The following AP3D1 variants were observed in gnomAD, a reference collection of about 807,000 sequenced individuals.
AP3D1 encodes adaptor related protein complex 3 subunit delta 1.
A neutral mutation model predicts 147.6 loss-of-function variants in AP3D1; 51 were observed. The observed-to-expected ratio is 0.35, with a 90% CI of 0.28 to 0.44. The LOEUF is 0.44. Among genes scored for constraint, AP3D1 ranks in the 20% least tolerant of loss-of-function variants. AP3D1 has a pLI of 1.00. For synonymous variants in AP3D1, 760 were observed against 663.0 expected (o/e 1.15, Z -2.25); for missense variants, 1,421 against 1,624.2 (o/e 0.87, Z 2.15).
At chr19:2,156,673 A>G (rs1162615692) in intron 1 of AP3D1, among the ~76,000 whole-genome samples, 1 of 151,990 alleles carries the variant, frequency 6.6e-6, no homozygotes, top group East Asian at 1.9e-4. Context: ...ACACAGTGAA[A>G]CCCCGTCTCT....
chr19:2,161,622 G>A (rs1014788823), intron 1 of AP3D1, among the ~76,000 whole-genome samples: 1 of 152,114 alleles, frequency 6.6e-6, no homozygotes, highest in Non-Finnish European at 1.5e-5. Context: ...AGGCATACAT[G>A]CAGACCAAAG....
chr19:2,141,992 A>G (rs1599489816), intron 1 of AP3D1, among the ~76,000 whole-genome samples: 1 of 149,848 alleles, frequency 6.7e-6, no homozygotes, highest in African/African-American at 2.5e-5. Flanking sequence ...ATATATATAC[A>G]TTTATTTACA....
In AP3D1 at chr19:2,138,607, G is replaced by A. The variant is rs1264671994; in HGVS notation, c.192+12C>T. On this transcript the variant is annotated intron_variant, in intron 2 of 31. Transcript: ENST00000643116. Reference sequence around the variant, plus strand: ...CGACAGTGCTGGGCGCTGGCCACTGGGAGGCACTTACATACGTCAGCTTGC... The same window carrying A: ...CGACAGTGCTGGGCGCTGGCCACTGAGAGGCACTTACATACGTCAGCTTGC... 2 of 1,610,202 alleles carry A rather than the reference G, an allele frequency of 1.2e-6. No homozygotes were observed. Among genetic ancestry groups the A allele is most frequent in the African/African-American group, 1.3e-5 (1 of 74,844 alleles).
In AP3D1 at chr19:2,162,283, G is replaced by T. The variant is rs191827596; in HGVS notation, c.-103+2073C>A. On this transcript the variant is annotated intron_variant, in intron 1 of 14. Coordinates refer to the AP3D1 transcript ENST00000643010. ...GATCTCCTGACCTCGTGATCCACCC[G>T]CCTCGGCCTCCCAAAGTGTTGGGAT... 2.7e-3 allele frequency among the ~76,000 whole-genome samples: 405 copies of T among 149,280 alleles called. 1 individual carries two copies. Among genetic ancestry groups the T allele is most frequent in the African/African-American group, 9.5e-3 (390 of 40,946 alleles).
chr19:2,128,230 C>T (rs1409597232), intron 8 of AP3D1, among the ~76,000 whole-genome samples: 1 of 152,148 alleles, frequency 6.6e-6, no homozygotes, highest in Non-Finnish European at 1.5e-5. Flanking sequence ...CCTGAAAAGG[C>T]TCCTAACATA....
At chr19:2,155,922 G>T (rs1056680482), upstream of AP3D1, among the ~76,000 whole-genome samples, 1 of 151,110 alleles carries the variant, frequency 6.6e-6, no homozygotes, top group Non-Finnish European at 1.5e-5. Flanking sequence ...GCTTGGTGGC[G>T]GGCGCCTGTA....
intron 31 of AP3D1, among the ~76,000 whole-genome samples, chr19:2,106,482 G>A (rs544688657): frequency 4.6e-5 from 7 of 152,306 alleles, no homozygotes; most frequent in Middle Eastern, 6.8e-3. Flanking sequence ...CTGGGAGGCG[G>A]AGGTTGTGGT....
intron 31 of AP3D1, among the ~76,000 whole-genome samples, chr19:2,104,326 A>G (rs945211205): frequency 4.5e-5 from 6 of 133,706 alleles, no homozygotes; most frequent in Non-Finnish European, 5.2e-5. Context: ...CCCAACACCC[A>G]GACCCCAATG....
chr19:2,131,349 A>G (rs556328318), intron 5 of AP3D1, among the ~76,000 whole-genome samples: 161 of 147,990 alleles, frequency 1.1e-3, no homozygotes, highest in East Asian at 4.9e-3. Context: ...ACGTGGGGAC[A>G]GTGCCCATCG....
chr19:2,137,629 C>G, intron 3 of AP3D1, 98 bp downstream of exon 3: 2 of 1,059,242 alleles, frequency 1.9e-6, no homozygotes, highest in Non-Finnish European at 2.9e-6. Context: ...GAGCTAGACT[C>G]TGTCTCAAGA....
At chr19:2,145,358 G>A (rs1246054278) in intron 1 of AP3D1, among the ~76,000 whole-genome samples, 1 of 152,220 alleles carries the variant, frequency 6.6e-6, no homozygotes, top group Non-Finnish European at 1.5e-5. Context: ...TCACTGCCAC[G>A]TGGACAAATC....
chr19:2,114,360 T>G, intron 21 of AP3D1, 58 bp from the exon 22 acceptor site: 1 of 1,432,720 alleles, frequency 7.0e-7, no homozygotes, highest in East Asian at 2.3e-5. Context: ...CCAGGACCAC[T>G]CAGTACATGC....
chr19:2,144,580 G>C (rs1252430863), intron 1 of AP3D1, among the ~76,000 whole-genome samples: 1 of 152,166 alleles, frequency 6.6e-6, no homozygotes, highest in Admixed American at 6.6e-5. Flanking sequence ...GCTCAGCCTG[G>C]ATGTCTGTGG....
rs527966648 is a variant in AP3D1 at position 2,123,273 on chromosome 19, C to T, written c.955+85G>A. The T allele has an allele frequency of 1.4e-4, 189 of 1,365,930 alleles. 2 individuals carry two copies. The South Asian group carries it at 2.1e-3, about 15-fold the overall frequency. The allele number at this position is 1,365,930 out of a possible 1,614,324, so 84.6% of individuals were successfully genotyped here. A position where few individuals can be genotyped will look rare whatever the true frequency, so the allele number is the denominator to read the frequency against. On this transcript the variant is annotated intron_variant, in intron 11 of 31. Coordinates refer to ENST00000643116, the MANE Select transcript of AP3D1 (RefSeq NM_001261826.3). ...ACAGCTGGGGTTGCAGATGCCGTGT[C>T]CACTTCCTCCTCACACTAGGAGGAC...
intron 6 of AP3D1, among the ~76,000 whole-genome samples, chr19:2,129,878 G>A (rs1361583761): frequency 6.6e-6 from 1 of 152,178 alleles, no homozygotes; most frequent in African/African-American, 2.4e-5. Context: ...GCTTAGGGCT[G>A]GGGTCTCCCC....
intron 1 of AP3D1, among the ~76,000 whole-genome samples, chr19:2,160,047 C>T (rs1417105448): frequency 6.8e-6 from 1 of 147,786 alleles, no homozygotes; most frequent in African/African-American, 2.5e-5. Flanking sequence ...GACGGGGTTT[C>T]ACCATGTTGG....
At chr19:2,102,652 C>T (rs924107903) in intron 31 of AP3D1, among the ~76,000 whole-genome samples, 2 of 151,542 alleles carry the variant, frequency 1.3e-5, no homozygotes, top group African/African-American at 2.4e-5. Flanking sequence ...GGCGTGAACC[C>T]GGGAGGTGGA....
rs112377029 is a variant in AP3D1 at position 2,131,527 on chromosome 19, G to A, written c.462+944C>T. Among the ~76,000 whole-genome samples the A allele has an allele frequency of 6.3e-3, 713 of 112,440 alleles. 169 individuals are homozygous for A. Among genetic ancestry groups the A allele is most frequent in the Non-Finnish European group, 9.3e-3 (472 of 50,728 alleles). The allele number at this position is 112,440 out of a possible 152,430, so 73.8% of individuals were successfully genotyped here. Reference sequence around the variant, plus strand: ...CGAGGGGACAGGGCCCATCGGCCACGATCTAGGCACCCGGTGGACAGGCAG... The same window carrying A: ...CGAGGGGACAGGGCCCATCGGCCACAATCTAGGCACCCGGTGGACAGGCAG... On this transcript the variant is annotated intron_variant, in intron 5 of 31. Coordinates refer to ENST00000643116, the MANE Select transcript of AP3D1 (RefSeq NM_001261826.3).
chr19:2,116,599 G>A lies in AP3D1; in HGVS notation c.2001+6C>T, dbSNP rs376715473. 2.7e-5 allele frequency: 42 copies of A among 1,583,284 alleles called. No individual in the cohort carries two copies. The African/African-American group carries it at 5.4e-4, about 20-fold the overall frequency. ...GAGGGCTCGCCAGGGGCAGCCAGCA[G>A]CTCACCCGAGCCAGCTCTTCCTCGT... is the stretch of plus-strand genomic sequence containing the variant. On this transcript the variant is annotated splice_donor_region_variant and intron_variant, in intron 17 of 31. Transcript: ENST00000643116.
Sources: allele counts gnomAD v4.1 joint callset (sites outside exome capture counted in the v4.1 genomes callset), GRCh38; gene constraint gnomAD v4.1.1; transcripts MANE v1.5; gene names NCBI Gene and HGNC (gene_info 2026-07-23, HGNC 2026-07-21).